The following COL6A6 variants were observed in gnomAD, a reference collection of about 807,000 sequenced individuals.
COL6A6 encodes the protein collagen type VI alpha 6 chain.
A neutral mutation model predicts 208.6 loss-of-function variants in COL6A6; 183 were observed. The observed-to-expected ratio is 0.88, with a 90% CI of 0.78 to 0.99. The LOEUF is 0.99. COL6A6 is among the 50% of genes least tolerant of loss of function. COL6A6 has a pLI of 0.00. For missense variants in COL6A6, 2,816 were observed against 2,815.2 expected (o/e 1.00, Z -0.01); for synonymous variants, 973 against 1,011.8 (o/e 0.96, Z 0.73).
rs192306121 is a variant in COL6A6, at chr3:130,622,842, G to A, written c.4878+959G>A. Among the ~76,000 whole-genome samples, 94 of 152,134 alleles carry A rather than the reference G, an allele frequency of 6.2e-4. 1 individual carries two copies. In the East Asian group the frequency reaches 0.017, roughly 27 times the overall value. On this transcript the variant is annotated intron_variant, in intron 24 of 36. Transcript: ENST00000358511. Reference sequence around the variant, plus strand: ...ACCGCACTCCAGCCTGGGCGACAGAGCGAGACTCTGTCTCAAAGAAAAGAA... The same window carrying A: ...ACCGCACTCCAGCCTGGGCGACAGAACGAGACTCTGTCTCAAAGAAAAGAA...
chr3:130,580,672 A>C (rs2063397489), intron 8 of COL6A6, among the ~76,000 whole-genome samples: 1 of 152,246 alleles, frequency 6.6e-6, no homozygotes, highest in South Asian at 2.1e-4. Flanking sequence ...CAAGTTAAAA[A>C]TTCGTGAAAG....
intron 20 of COL6A6, among the ~76,000 whole-genome samples, chr3:130,602,117 A>G (rs554468117): frequency 6.6e-6 from 1 of 152,340 alleles, no homozygotes; most frequent in South Asian, 2.1e-4. Context: ...GGAGGCTGCA[A>G]ACAATGAGGA....
At chr3:130,572,637 C>T (rs1447776340) in intron 7 of COL6A6, among the ~76,000 whole-genome samples, 1 of 152,218 alleles carries the variant, frequency 6.6e-6, no homozygotes, top group Non-Finnish European at 1.5e-5. Flanking sequence ...ATCTATCCTT[C>T]TCCAGTTCAC....
intron 1 of COL6A6, among the ~76,000 whole-genome samples, chr3:130,523,553 G>A (rs1390538877): frequency 6.6e-6 from 1 of 152,208 alleles, no homozygotes; most frequent in Admixed American, 6.5e-5. Context: ...GGGTGATTGA[G>A]AGGAGTTGAT....
intron 28 of COL6A6, among the ~76,000 whole-genome samples, chr3:130,638,379 A>G (rs2065215671): frequency 6.6e-6 from 1 of 152,226 alleles, no homozygotes; most frequent in Non-Finnish European, 1.5e-5. Flanking sequence ...AAACATTTAG[A>G]TGAGGCAAGT....
intron 10 of COL6A6, among the ~76,000 whole-genome samples, chr3:130,585,956 ATGTATTTTC>A (rs2063530744): frequency 6.6e-6 from 1 of 152,160 alleles, no homozygotes; most frequent in Non-Finnish European, 1.5e-5. Context: ...AATGTAGAAC[ATGTATTTTC>A]TGTTTTTGAG....
upstream of COL6A6, among the ~76,000 whole-genome samples, chr3:130,517,042 C>A (rs551904895): frequency 1.6e-4 from 25 of 152,340 alleles, no homozygotes; most frequent in African/African-American, 5.8e-4. Flanking sequence ...TGTCTCCAGT[C>A]CCGCTTCCGT....
At chr3:130,567,524 TATATGAGTG>T (rs1577725349) in intron 5 of COL6A6, among the ~76,000 whole-genome samples, 1 of 152,108 alleles carries the variant, frequency 6.6e-6, no homozygotes, top group East Asian at 1.9e-4. Flanking sequence ...CCAGGATAGA[TATATGAGTG>T]TACACCACAC....
In COL6A6 at chr3:130,664,989, C is replaced by T. The variant is rs1254509388; in HGVS notation, c.6503-14C>T. On this transcript the variant is annotated splice_polypyrimidine_tract_variant and intron_variant, in intron 35 of 36. Coordinates refer to ENST00000358511, the MANE Select transcript of COL6A6 (RefSeq NM_001102608.3). ...TCATGAATACAAGACTTATCACAGA[C>T]TTTTCTCTTCTAGGTGCAATCAACA... 1.3e-6 allele frequency: 2 copies of T among 1,542,226 alleles called. No individual in the cohort carries two copies. Among genetic ancestry groups the T allele is most frequent in the Non-Finnish European group, 8.9e-7 (1 of 1,124,616 alleles).
intron 1 of COL6A6, among the ~76,000 whole-genome samples, chr3:130,521,070 A>G (rs1022699895): frequency 6.6e-6 from 1 of 152,176 alleles, no homozygotes; most frequent in Non-Finnish European, 1.5e-5. Flanking sequence ...ATAAATATAC[A>G]TGTAACCATT....
chr3:130,546,522 C>T (rs924957634), intron 1 of COL6A6, among the ~76,000 whole-genome samples: 3 of 152,306 alleles, frequency 2.0e-5, no homozygotes, highest in East Asian at 3.9e-4. Context: ...CCTTTGCTGG[C>T]TCAGGCAGCC....
At chr3:130,597,545 A>G (rs541706162) in intron 18 of COL6A6, among the ~76,000 whole-genome samples, 1 of 152,320 alleles carries the variant, frequency 6.6e-6, no homozygotes, top group African/African-American at 2.4e-5. Flanking sequence ...GGCACTCAGC[A>G]GGACTGGATA....
intron 19 of COL6A6, 135 bp downstream of exon 19, chr3:130,598,565 G>C (rs938397825): frequency 1.6e-6 from 1 of 642,570 alleles, no homozygotes; most frequent in Admixed American, 2.8e-5. Flanking sequence ...ATTATTAGGA[G>C]CAAAATGATC....
At chr3:130,620,981 T>G (rs2064697883) in intron 23 of COL6A6, among the ~76,000 whole-genome samples, 1 of 152,252 alleles carries the variant, frequency 6.6e-6, no homozygotes, top group African/African-American at 2.4e-5. Flanking sequence ...TTCCAAGTGT[T>G]AATAACAGAG....
intron 20 of COL6A6, among the ~76,000 whole-genome samples, chr3:130,605,662 G>A (rs1328745482): frequency 2.0e-5 from 3 of 152,078 alleles, no homozygotes; most frequent in South Asian, 2.1e-4. Context: ...TCATTTCCCC[G>A]AAATACAGTC....
At chr3:130,525,582 A>G (rs1460134874) in intron 1 of COL6A6, among the ~76,000 whole-genome samples, 2 of 152,166 alleles carry the variant, frequency 1.3e-5, no homozygotes, top group African/African-American at 4.8e-5. Context: ...TTCTTCCTCT[A>G]TGCTCTCCCA....
intron 1 of COL6A6, among the ~76,000 whole-genome samples, chr3:130,537,111 T>C (rs759282432): frequency 6.6e-6 from 1 of 152,242 alleles, no homozygotes; most frequent in Non-Finnish European, 1.5e-5. Context: ...AACTGTGCAT[T>C]ATTTAACAGT....
At chr3:130,531,248 C>T (rs1167211293) in intron 1 of COL6A6, among the ~76,000 whole-genome samples, 1 of 152,066 alleles carries the variant, frequency 6.6e-6, no homozygotes, top group Non-Finnish European at 1.5e-5. Context: ...GGGAACTCTT[C>T]TGTGCACTGC....
Position 130,568,446 on chromosome 3 carries a change from A to G in COL6A6, c.2243A>G (p.Glu748Gly), listed in dbSNP as rs2063084166. The G allele has an allele frequency of 5.0e-6, 8 of 1,613,972 alleles. No individual in the cohort carries two copies. The highest frequency in any genetic ancestry group is 6.8e-6 in the Non-Finnish European group (8 of 1,179,878). ...GAACCAGCAGTAGTGCTTCGGCAAGAAGGTGTAATCATCTATTCTGTGGGA... is the reference window on the plus strand; with the variant it reads ...GAACCAGCAGTAGTGCTTCGGCAAGGAGGTGTAATCATCTATTCTGTGGGA... ...VKEPAVVLRQ[E>G]GVIIYSVGVF... is the part of the protein sequence containing the mutation. The change falls in exon 6 of 37, where the codon GAA becomes GGA. Residue 748 changes from glutamate (E) to glycine (G), a missense_variant. By Grantham distance (98) the Glu-to-Gly change is moderately conservative. Coordinates refer to ENST00000358511, the MANE Select transcript of COL6A6 (RefSeq NM_001102608.3).
Sources: allele counts gnomAD v4.1 joint callset (sites outside exome capture counted in the v4.1 genomes callset), GRCh38; gene constraint gnomAD v4.1.1; transcripts MANE v1.5; gene names NCBI Gene and HGNC (gene_info 2026-07-23, HGNC 2026-07-21).